NAV3: variants seen among roughly 807,000 people sequenced by gnomAD.
NAV3 encodes pore membrane and/or filament interacting like protein 1.
A neutral mutation model predicts 244.7 loss-of-function variants in NAV3; 87 were observed. That is an observed-to-expected ratio of 0.36 (90% CI 0.30 to 0.42). The LOEUF (loss-of-function observed/expected upper bound fraction) is 0.42, where lower values mean the gene tolerates loss of function less well. Among genes scored for constraint, NAV3 ranks in the 20% least tolerant of loss-of-function variants. The pLI is 1.00. For missense variants in NAV3, 2,663 were observed against 2,893.3 expected (o/e 0.92, Z 1.83); for synonymous variants, 1,126 against 1,042.2 (o/e 1.08, Z -1.55).
At chr12:77,920,968 A>G (rs1887656534) in intron 1 of NAV3, among the ~76,000 whole-genome samples, 3 of 152,174 alleles carry the variant, frequency 2.0e-5, no homozygotes, top group East Asian at 1.9e-4. Flanking sequence ...GGTACTTTCA[A>G]TTAGAGAATT....
At chr12:77,681,943 A>T (rs1193760901) in intron 2 of NAV3, among the ~76,000 whole-genome samples, 1 of 152,212 alleles carries the variant, frequency 6.6e-6, no homozygotes, top group African/African-American at 2.4e-5. Flanking sequence ...GGCATCGTCA[A>T]GCTATTTACA....
intron 8 of NAV3, among the ~76,000 whole-genome samples, chr12:78,007,929 A>G (rs921845096): frequency 6.6e-6 from 1 of 152,214 alleles, no homozygotes; most frequent in African/African-American, 2.4e-5. Flanking sequence ...GCCACTTTTC[A>G]GCTATAAGAC....
intron 17 of NAV3, among the ~76,000 whole-genome samples, chr12:78,127,911 T>C (rs1362387248): frequency 6.6e-6 from 1 of 152,172 alleles, no homozygotes; most frequent in East Asian, 1.9e-4. Flanking sequence ...ATTTAACTTA[T>C]GGCCATCTTT....
At chr12:77,825,064 T>A (rs930338012) in intron 2 of NAV3, among the ~76,000 whole-genome samples, 12 of 152,318 alleles carry the variant, frequency 7.9e-5, no homozygotes, top group South Asian at 6.2e-4. Flanking sequence ...AATACAATGG[T>A]GTGGCATCTT....
chr12:77,741,189 A>G (rs1868329167), intron 2 of NAV3, among the ~76,000 whole-genome samples: 1 of 151,008 alleles, frequency 6.6e-6, no homozygotes, highest in Non-Finnish European at 1.5e-5. Context: ...AAAGAAAAAG[A>G]AAATCCAGTT....
intron 22 of NAV3, among the ~76,000 whole-genome samples, chr12:78,149,567 T>G (rs1367047181): frequency 6.6e-6 from 1 of 152,226 alleles, no homozygotes; most frequent in African/African-American, 2.4e-5. Flanking sequence ...AGATGCAGAA[T>G]GATAAAGGAG....
At position 78,007,100 on chromosome 12, in the gene NAV3, T is replaced by G. The variant is rs549639857; in HGVS notation, c.1562T>G (p.Ile521Ser). The G allele has an allele frequency of 6.2e-7, 1 of 1,614,178 alleles. No homozygotes were observed. Among genetic ancestry groups the G allele is most frequent in the South Asian group, 1.1e-5 (1 of 91,084 alleles). Residue 521 changes from isoleucine to serine, a missense_variant, in exon 8 of 40, where the codon ATT becomes AGT. Around this residue, in one of 6 missense-constraint regions of NAV3, gnomAD observed 1,521 missense variants for 1,497.0 expected, o/e 1.02. Coordinates refer to ENST00000397909, the MANE Select transcript of NAV3 (RefSeq NM_001024383.2). ...KTTAAKKESL[I>S]PSSSGIPKPG... ...ACAGCAGCTAAGAAGGAAAGCTTAA[T>G]TCCGTCTTCCAGTGGTATTCCAAAA...
chr12:77,995,273 G>C (rs984455990), intron 6 of NAV3, among the ~76,000 whole-genome samples: 1 of 152,040 alleles, frequency 6.6e-6, no homozygotes, highest in Non-Finnish European at 1.5e-5. Context: ...GAAAAACATT[G>C]GCAGATTTTA....
In NAV3 at chr12:78,018,257, G is replaced by T. The variant is rs981985668; in HGVS notation, c.1908-3490G>T. Reference sequence around the variant, plus strand: ...CTACATTAACAAAAATTTTAAAAAGGCTTCCAAGACAAGACTGAGCTGTCA... The same window carrying T: ...CTACATTAACAAAAATTTTAAAAAGTCTTCCAAGACAAGACTGAGCTGTCA... On this transcript the variant is annotated intron_variant, in intron 8 of 39. Transcript: ENST00000397909. Among the ~76,000 whole-genome samples the T allele has an allele frequency of 4.6e-5, 7 of 152,124 alleles. No individual in the cohort carries two copies. The Middle Eastern group carries it at 0.014, about 296-fold the overall frequency.
At chr12:78,165,145 A>G (rs1180658308) in intron 23 of NAV3, among the ~76,000 whole-genome samples, 2 of 152,090 alleles carry the variant, frequency 1.3e-5, no homozygotes, top group African/African-American at 4.8e-5. Flanking sequence ...CTAGAACTTT[A>G]CAAGCTCAGC....
At chr12:77,789,050 T>A (rs1871041849) in intron 2 of NAV3, among the ~76,000 whole-genome samples, 1 of 152,220 alleles carries the variant, frequency 6.6e-6, no homozygotes, top group Non-Finnish European at 1.5e-5. Flanking sequence ...TCTTCTACGT[T>A]CCTAACATAT....
At position 78,211,407 on chromosome 12, in the gene NAV3, G is replaced by C. The variant is rs934164880; in HGVS notation, c.*890G>C. On this transcript the variant is annotated 3_prime_UTR_variant, in exon 40 of 40. Transcript: ENST00000397909. ...TCCTAAACCATTGGTAATTTCCACT[G>C]TCTTTTCATTTACAACCAAGCAACA... 2.0e-5 allele frequency: 3 copies of C among 151,460 alleles called. No homozygotes were observed. Among genetic ancestry groups the C allele is most frequent in the Non-Finnish European group, 2.9e-5 (2 of 67,892 alleles). The allele number at this position is 151,460 out of a possible 1,614,324, so 9.4% of individuals were successfully genotyped here.
At chr12:78,148,238 T>A (rs1956938747) in intron 21 of NAV3, among the ~76,000 whole-genome samples, 1 of 152,040 alleles carries the variant, frequency 6.6e-6, no homozygotes, top group African/African-American at 2.4e-5. Flanking sequence ...AAGGTCTTGA[T>A]AATACAGATT....
chr12:77,803,189 T>G (rs1317400699), intron 2 of NAV3, among the ~76,000 whole-genome samples: 1 of 152,162 alleles, frequency 6.6e-6, no homozygotes, highest in Non-Finnish European at 1.5e-5. Context: ...GCTGCACCCA[T>G]CAACCCATCA....
chr12:77,768,122 T>C (rs931449389), intron 2 of NAV3, among the ~76,000 whole-genome samples: 5 of 152,222 alleles, frequency 3.3e-5, no homozygotes, highest in Admixed American at 3.3e-4. Flanking sequence ...TCCCATCATC[T>C]GCCCGAATCT....
intron 34 of NAV3, among the ~76,000 whole-genome samples, chr12:78,193,944 T>C (rs572968815): frequency 6.6e-6 from 1 of 152,234 alleles, no homozygotes; most frequent in East Asian, 1.9e-4. Flanking sequence ...ATTTTCTCCT[T>C]GTTTCCTGCT....
chr12:78,209,566 A>G (rs923183233), intron 39 of NAV3, among the ~76,000 whole-genome samples: 1 of 151,216 alleles, frequency 6.6e-6, no homozygotes, highest in East Asian at 1.9e-4. Flanking sequence ...AAAAAAGTCC[A>G]TCTCTAACAG....
At chr12:77,995,023 C>T (rs567841740) in intron 6 of NAV3, 152 bp downstream of exon 6, 5 of 562,756 alleles carry the variant, frequency 8.9e-6, no homozygotes, top group African/African-American at 3.8e-5. Flanking sequence ...CACATAGCCT[C>T]AGGGATGAGC....
At chr12:77,988,986 G>C (rs1871005816) in intron 5 of NAV3, among the ~76,000 whole-genome samples, 1 of 152,046 alleles carries the variant, frequency 6.6e-6, no homozygotes, top group Non-Finnish European at 1.5e-5. Flanking sequence ...AAGATTTTGA[G>C]TTACATCAAA....
Sources: allele counts gnomAD v4.1 joint callset (sites outside exome capture counted in the v4.1 genomes callset), GRCh38; gene constraint gnomAD v4.1.1; regional missense constraint gnomAD v4.1.1; transcripts MANE v1.5; gene names NCBI Gene and HGNC (gene_info 2026-07-23, HGNC 2026-07-21).